Variants in WARS2 observed in about 807,000 individuals in gnomAD.
The protein encoded by WARS2 is tryptophan--tRNA ligase, mitochondrial.
A neutral mutation model predicts 36.5 loss-of-function variants in WARS2; 28 were observed. The ratio of observed to expected loss-of-function variants is 0.77; its 90% CI spans 0.57 to 1.05. The LOEUF is 1.05. WARS2 is among the 50% of genes least tolerant of loss of function. WARS2 has a pLI of 0.00. For missense variants in WARS2, 435 were observed against 456.8 expected, an observed-to-expected ratio of 0.95 and a Z score of 0.44; for synonymous variants, 174 against 178.4, an observed-to-expected ratio of 0.98 and a Z score of 0.20.
At chr1:119,082,256 A>C in intron 1 of WARS2, 1 of 985,188 alleles carries the variant, frequency 1.0e-6, no homozygotes, top group African/African-American at 1.7e-5. Context: ...TTAATTCTTA[A>C]AAATATTCCC....
intron 1 of WARS2, among the ~76,000 whole-genome samples, chr1:119,083,076 A>C (rs1462945714): frequency 1.3e-5 from 2 of 152,120 alleles, no homozygotes; most frequent in African/African-American, 4.8e-5. Context: ...TAAAAATACA[A>C]AAATTAGCCA....
chr1:119,081,105 TAGA>T (rs1652161566), intron 1 of WARS2, among the ~76,000 whole-genome samples: 2 of 152,176 alleles, frequency 1.3e-5, no homozygotes. Context: ...TGACATATAC[TAGA>T]AGAGAGGGTG....
intron 1 of WARS2, among the ~76,000 whole-genome samples, chr1:119,079,075 T>A (rs891019936): frequency 1.4e-4 from 21 of 152,238 alleles, no homozygotes; most frequent in African/African-American, 5.1e-4. Flanking sequence ...GAGGTAAGCA[T>A]CTAATTTCTT....
chr1:119,083,370 G>A (rs750140499), intron 1 of WARS2, among the ~76,000 whole-genome samples: 31 of 152,148 alleles, frequency 2.0e-4, no homozygotes, highest in Admixed American at 2.0e-3. Flanking sequence ...AACAGAGAGC[G>A]GCCCTCACCA....
intron 4 of WARS2, among the ~76,000 whole-genome samples, chr1:119,036,183 T>C (rs112937646): frequency 5.3e-5 from 8 of 151,946 alleles, no homozygotes; most frequent in South Asian, 2.1e-4. Flanking sequence ...CACTCCAGCC[T>C]GGGAAATGAG....
intron 1 of WARS2, among the ~76,000 whole-genome samples, chr1:119,125,987 C>T (rs1404935363): frequency 6.6e-6 from 1 of 152,182 alleles, no homozygotes. Context: ...AACCTTCTAC[C>T]TTTTAACTCT....
chr1:119,035,011 A>G (rs1415767410), intron 4 of WARS2, among the ~76,000 whole-genome samples: 1 of 152,242 alleles, frequency 6.6e-6, no homozygotes, highest in African/African-American at 2.4e-5. Flanking sequence ...AACAAAGGAG[A>G]CTTGAATTTT....
rs549140909 is a variant in WARS2, at chr1:119,036,166, G to A, written c.516-1953C>T. 5.9e-5 allele frequency among the ~76,000 whole-genome samples: 9 copies of A among 152,140 alleles called. No homozygotes were observed. In the South Asian group the frequency reaches 6.2e-4, roughly 11 times the overall value. On this transcript the variant is annotated intron_variant, in intron 4 of 5. Coordinates refer to ENST00000235521, the MANE Select transcript of WARS2 (RefSeq NM_015836.4). ...GGAGGCTGCGGTGAGCCAAGATTGC[G>A]CCATTGCACTCCAGCCTGGGAAATG...
At chr1:119,043,221 G>T (rs558966379) in intron 3 of WARS2, among the ~76,000 whole-genome samples, 1 of 150,972 alleles carries the variant, frequency 6.6e-6, no homozygotes, top group South Asian at 2.1e-4. Context: ...AAGGCCTAAG[G>T]TATAGCATCT....
intron 2 of WARS2, among the ~76,000 whole-genome samples, chr1:119,075,499 C>A (rs1248266955): frequency 6.6e-6 from 1 of 152,088 alleles, no homozygotes; most frequent in Admixed American, 6.5e-5. Flanking sequence ...CTGTAAGAAT[C>A]ATTACATTAA....
rs150298075 is a variant in WARS2, at chr1:119,107,438, TTTTGA to T, written c.91-30836_91-30832del. Among the ~76,000 whole-genome samples the T allele has an allele frequency of 8.5e-3, 1,291 of 152,230 alleles. 16 individuals carry two copies. Among genetic ancestry groups the T allele is most frequent in the African/African-American group, 0.03 (1,230 of 41,566 alleles). ...ATTTTACATTTAGTGTTAGGATCCATTTTGATTTAAGTGAAGGGTGTAGTGTCTGT... is the reference window on the plus strand; with the variant it reads ...ATTTTACATTTAGTGTTAGGATCCATTTTAAGTGAAGGGTGTAGTGTCTGT... On this transcript the variant is annotated intron_variant, in intron 1 of 5. Coordinates refer to ENST00000235521, the MANE Select transcript of WARS2 (RefSeq NM_015836.4).
rs1376745156 is a variant in WARS2 at position 119,076,484 on chromosome 1, T to A, written c.214A>T (p.Ser72Cys). 2 of 1,614,052 alleles carry A rather than the reference T, an allele frequency of 1.2e-6. No individual in the cohort carries two copies. The highest frequency in any genetic ancestry group is 3.3e-5 in the Admixed American group (2 of 60,004). Residue 72 changes from serine (S) to cysteine (C), a missense_variant, in exon 2 of 6, where the codon AGC becomes TGC. Physicochemically the swap from Ser to Cys is moderately radical, Grantham distance 112. Transcript: ENST00000235521. ...LQDEYDSVLY[S>C]IVDLHSITVP... Reference sequence around the variant, plus strand: ...GTAATGGAGTGGAGGTCAACAATGCTGTATAATACAGAGTCATATTCATCC... The same window carrying A: ...GTAATGGAGTGGAGGTCAACAATGCAGTATAATACAGAGTCATATTCATCC...
chr1:119,126,829 T>C (rs1462306005), intron 1 of WARS2: 4 of 751,848 alleles, frequency 5.3e-6, no homozygotes, highest in Admixed American at 3.5e-5. Flanking sequence ...ATGATTTCCA[T>C]CATCTTCTTC....
chr1:119,057,432 C>T (rs1483004516), intron 2 of WARS2, among the ~76,000 whole-genome samples: 1 of 151,762 alleles, frequency 6.6e-6, no homozygotes, highest in African/African-American at 2.4e-5. Flanking sequence ...GCGTGAGTCA[C>T]TGCGCCTGGC....
chr1:119,115,123 T>C (rs752157971), intron 1 of WARS2, among the ~76,000 whole-genome samples: 1 of 152,180 alleles, frequency 6.6e-6, no homozygotes. Flanking sequence ...TTTTAAATAA[T>C]GTCAATATTA....
chr1:119,069,512 A>G (rs549712278), intron 2 of WARS2, among the ~76,000 whole-genome samples: 1 of 152,380 alleles, frequency 6.6e-6, no homozygotes, highest in Admixed American at 6.5e-5. Flanking sequence ...CTGATTTATC[A>G]AATCTTCTCA....
intron 4 of WARS2, among the ~76,000 whole-genome samples, chr1:119,037,529 T>A (rs1189497700): frequency 1.3e-5 from 2 of 152,204 alleles, no homozygotes; most frequent in Non-Finnish European, 2.9e-5. Flanking sequence ...TCATGACTAG[T>A]TGCTTGTAGG....
At chr1:119,058,139 G>A (rs1028315769) in intron 2 of WARS2, among the ~76,000 whole-genome samples, 4 of 151,972 alleles carry the variant, frequency 2.6e-5, no homozygotes, top group Admixed American at 1.3e-4. Context: ...TTTTGTGAAT[G>A]GTATGAGGTG....
intron 2 of WARS2, 41 bp downstream of exon 2, chr1:119,076,309 T>C: frequency 3.7e-6 from 6 of 1,600,302 alleles, no homozygotes; most frequent in Non-Finnish European, 5.1e-6. Context: ...TCAAATAATC[T>C]ACACATAAGA....
Sources: gnomAD v4.1 joint callset for allele counts (sites outside exome capture counted in the v4.1 genomes callset) on GRCh38, gnomAD v4.1.1 for gene constraint, MANE v1.5 for transcripts, NCBI Gene and HGNC (gene_info 2026-07-23, HGNC 2026-07-21) for gene names.